Variants in HIVEP3 observed in about 807,000 individuals in gnomAD.
HIVEP3 encodes the protein transcription factor HIVEP3.
HIVEP3 carries 49 observed loss-of-function variants against 152.8 expected under a neutral mutation model. That is an observed-to-expected ratio of 0.32 (90% CI 0.26 to 0.41). The LOEUF (loss-of-function observed/expected upper bound fraction) is 0.41, where lower values mean the gene tolerates loss of function less well. Among genes scored for constraint, HIVEP3 ranks in the 10% least tolerant of loss-of-function variants. HIVEP3 has a pLI of 1.00. For missense variants in HIVEP3, 2,790 were observed against 3,103.3 expected, an observed-to-expected ratio of 0.90 and a Z score of 2.40; for synonymous variants, 1,269 against 1,289.0, an observed-to-expected ratio of 0.98 and a Z score of 0.33.
rs1649764592 is a variant in HIVEP3 at position 41,792,594 on chromosome 1, A to G, written c.-800-91599T>C. Among the ~76,000 whole-genome samples, 2 of 152,216 alleles carry G rather than the reference A, an allele frequency of 1.3e-5. 1 individual carries two copies. The highest frequency in any genetic ancestry group is 4.1e-4 in the South Asian group (2 of 4,834). ...CCTGAAACCTGCCCTCCCCACAGCC[A>G]CAAAAGGCCAAGGAGCATGGAAACA... On this transcript the variant is annotated intron_variant, in intron 1 of 8. Transcript: ENST00000372583.
At chr1:41,723,496 A>C (rs1312941674) in intron 1 of HIVEP3, among the ~76,000 whole-genome samples, 4 of 132,848 alleles carry the variant, frequency 3.0e-5, no homozygotes, top group African/African-American at 1.1e-4. Flanking sequence ...ACACACACAC[A>C]GCCACCACAC....
At position 41,526,863 on chromosome 1, in the gene HIVEP3, TCA is replaced by T. The variant is rs1185064399; in HGVS notation, c.5208-1955_5208-1954del. 1.9e-3 allele frequency among the ~76,000 whole-genome samples: 166 copies of T among 86,188 alleles called. 1 individual carries two copies. The highest frequency in any genetic ancestry group is 6.8e-3 in the African/African-American group (142 of 20,928). The allele number at this position is 86,188 out of a possible 152,430, so 56.5% of individuals were successfully genotyped here. A position where few individuals can be genotyped will look rare whatever the true frequency, so the allele number is the denominator to read the frequency against. ...CGTTCACACACTCACCCTAACACGC[TCA>T]CACACAGCCTCACAAGCTCACTCTC... On this transcript the variant is annotated intron_variant, in intron 5 of 8. Coordinates refer to ENST00000372583, the MANE Select transcript of HIVEP3 (RefSeq NM_024503.5).
intron 1 of HIVEP3, among the ~76,000 whole-genome samples, chr1:41,795,953 T>C (rs2124305173): frequency 6.6e-6 from 1 of 152,318 alleles, no homozygotes; most frequent in Middle Eastern, 3.4e-3. Context: ...TCTGGTTCTT[T>C]TTACTAGAGA....
At chr1:41,827,879 G>C (rs1337239269) in intron 1 of HIVEP3, among the ~76,000 whole-genome samples, 1 of 152,024 alleles carries the variant, frequency 6.6e-6, no homozygotes. Flanking sequence ...ATGGGGTAAA[G>C]TAGGGAGAGA....
chr1:42,035,567 A>AG (rs1233240946), intron 1 of HIVEP3, among the ~76,000 whole-genome samples: 1 of 151,924 alleles, frequency 6.6e-6, no homozygotes, highest in African/African-American at 2.4e-5. Flanking sequence ...CGGCCCGGGA[A>AG]GGGGGGCTCG....
At chr1:41,677,142 C>T (rs1251265249) in intron 2 of HIVEP3, among the ~76,000 whole-genome samples, 1 of 152,214 alleles carries the variant, frequency 6.6e-6, no homozygotes, top group Non-Finnish European at 1.5e-5. Context: ...CCACCACCTA[C>T]TCATCCCTAT....
intron 1 of HIVEP3, among the ~76,000 whole-genome samples, chr1:41,721,363 G>C (rs552285822): frequency 2.0e-5 from 3 of 152,172 alleles, no homozygotes; most frequent in African/African-American, 7.2e-5. Flanking sequence ...ATGCCACCGC[G>C]CTCGACTAAT....
At chr1:42,010,868 A>C in intron 1 of HIVEP3, among the ~76,000 whole-genome samples, 1 of 151,566 alleles carries the variant, frequency 6.6e-6, no homozygotes, top group East Asian at 1.9e-4. Context: ...AATTCATCCC[A>C]CCCCACCTCC....
chr1:41,597,259 A>G lies in HIVEP3; in HGVS notation c.-521-11941T>C, dbSNP rs570733229. Among the ~76,000 whole-genome samples the G allele has an allele frequency of 8.2e-4, 125 of 152,318 alleles. 1 individual carries two copies. Among genetic ancestry groups the G allele is most frequent in the African/African-American group, 2.5e-3 (105 of 41,576 alleles). ...GGTGAAACTGATATCACCAAGGAGA[A>G]TGAAGTCTCCTGTGACATCCCCATA... is the stretch of plus-strand genomic sequence containing the variant. On this transcript the variant is annotated intron_variant, in intron 3 of 8. Coordinates refer to ENST00000372583, the MANE Select transcript of HIVEP3 (RefSeq NM_024503.5).
chr1:41,586,375 T>C (rs1644506865), intron 3 of HIVEP3, among the ~76,000 whole-genome samples: 1 of 152,228 alleles, frequency 6.6e-6, no homozygotes, highest in Non-Finnish European at 1.5e-5. Context: ...ATCATGAAGA[T>C]GGCTTACTGA....
Position 41,506,738 on chromosome 1 carries a change from C to T in HIVEP3, c.*3713G>A, listed in dbSNP as rs1365207227. The stretch of plus-strand genomic sequence containing the variant: ...ATCCCAGTGCGGTTGCTGTACATAT[C>T]TACAGTACAATTTTTGGAATGTATT... On this transcript the variant is annotated 3_prime_UTR_variant, in exon 9 of 9. Coordinates refer to ENST00000372583, the MANE Select transcript of HIVEP3 (RefSeq NM_024503.5). The T allele has an allele frequency of 6.6e-6, 1 of 152,020 alleles. No homozygotes were observed. Among genetic ancestry groups the T allele is most frequent in the Non-Finnish European group, 1.5e-5 (1 of 68,018 alleles). The allele number at this position is 152,020 out of a possible 1,614,324, so 9.4% of individuals were successfully genotyped here. A position where few individuals can be genotyped will look rare whatever the true frequency, so the allele number is the denominator to read the frequency against.
In HIVEP3 at chr1:41,511,080, C is replaced by T. The variant is rs778140478; in HGVS notation, c.6592G>A (p.Gly2198Ser). The T allele has an allele frequency of 3.1e-6, 5 of 1,614,076 alleles. No homozygotes were observed. Among genetic ancestry groups the T allele is most frequent in the East Asian group, 2.2e-5 (1 of 44,866 alleles). ...TRAPCPLIPIGGIQMVQARPG... is the reference protein window; with the variant it reads ...TRAPCPLIPISGIQMVQARPG... ...CGGGCCTGCACCATCTGGATCCCAC[C>T]GATGGGAATCAAGGGACATGGGGCA... is the stretch of plus-strand genomic sequence containing the variant. Residue 2198 changes from glycine (G) to serine (S), a missense_variant, in exon 9 of 9, where the codon GGT becomes AGT. This residue lies in a region of HIVEP3 where 816 missense variants were observed against 806.5 expected (regional missense o/e 1.01). Coordinates refer to ENST00000372583, the MANE Select transcript of HIVEP3 (RefSeq NM_024503.5). The surrounding 1 kb of genome is among the most constrained non-coding windows in gnomAD (Gnocchi z 4.9).
intron 2 of HIVEP3, among the ~76,000 whole-genome samples, chr1:41,668,553 A>G (rs1401101762): frequency 6.6e-6 from 1 of 152,160 alleles, no homozygotes; most frequent in Non-Finnish European, 1.5e-5. Context: ...ACAGCTCACT[A>G]GTCCGTAAAC....
intron 1 of HIVEP3, among the ~76,000 whole-genome samples, chr1:41,974,831 CT>C (rs1247881049): frequency 6.6e-6 from 1 of 151,556 alleles, no homozygotes; most frequent in African/African-American, 2.4e-5. Context: ...GCTTCAGCAT[CT>C]AGTACAGCGG....
intron 1 of HIVEP3, among the ~76,000 whole-genome samples, chr1:42,016,974 T>C (rs1302699500): frequency 1.3e-5 from 2 of 152,276 alleles, no homozygotes; most frequent in Admixed American, 6.5e-5. Flanking sequence ...CCAAAAATGC[T>C]GTAGAAACAA....
intron 2 of HIVEP3, among the ~76,000 whole-genome samples, chr1:41,672,003 G>A (rs1245888970): frequency 6.6e-6 from 1 of 152,206 alleles, no homozygotes; most frequent in Admixed American, 6.5e-5. Context: ...GTGCAGTTGA[G>A]TTGGGCCACA....
At chr1:41,686,790 G>A (rs1646122442) in intron 2 of HIVEP3, among the ~76,000 whole-genome samples, 1 of 152,284 alleles carries the variant, frequency 6.6e-6, no homozygotes. Context: ...TGAAAAGGGA[G>A]AATAATAAAA....
At chr1:42,023,132 A>G (rs1354902404) in intron 1 of HIVEP3, among the ~76,000 whole-genome samples, 1 of 151,982 alleles carries the variant, frequency 6.6e-6, no homozygotes, top group Non-Finnish European at 1.5e-5. Flanking sequence ...TCAGCCTCCC[A>G]AGTAGCTGGA....
At chr1:41,895,648 G>C (rs1433073480) in intron 1 of HIVEP3, among the ~76,000 whole-genome samples, 1 of 152,124 alleles carries the variant, frequency 6.6e-6, no homozygotes, top group Non-Finnish European at 1.5e-5. Flanking sequence ...CCCCCCGCAG[G>C]CCCAAGGGAA....
Sources: gnomAD v4.1 joint callset for allele counts (sites outside exome capture counted in the v4.1 genomes callset) on GRCh38, gnomAD v4.1.1 for gene constraint, gnomAD v4.1.1 regional missense constraint, Gnocchi (gnomAD v3.1) non-coding constraint, MANE v1.5 for transcripts, NCBI Gene and HGNC (gene_info 2026-07-23, HGNC 2026-07-21) for gene names.